CFAP52: variants seen among roughly 807,000 people sequenced by gnomAD.
CFAP52 encodes the protein cilia- and flagella-associated protein 52.
In CFAP52, 57 loss-of-function variants were observed where a neutral mutation model predicts 70.5. The ratio of observed to expected loss-of-function variants is 0.81; its 90% CI spans 0.65 to 1.01. The LOEUF (loss-of-function observed/expected upper bound fraction) is 1.01, where lower values mean the gene tolerates loss of function less well. Ranked by LOEUF, CFAP52 falls within the 50% of genes least tolerant of loss-of-function variation. The pLI is 0.00. For missense variants in CFAP52, 785 were observed against 788.5 expected, an observed-to-expected ratio of 1.00 and a Z score of 0.05; for synonymous variants, 267 against 292.5, an observed-to-expected ratio of 0.91 and a Z score of 0.89.
At chr17:9,629,561 T>C (rs201716592) in intron 9 of CFAP52, among the ~76,000 whole-genome samples, 2 of 150,978 alleles carry the variant, frequency 1.3e-5, no homozygotes, top group Non-Finnish European at 3.0e-5. Context: ...TTTTTTTTTT[T>C]TCTCAGATGG....
chr17:9,584,355 G>C lies in CFAP52; in HGVS notation c.71-1418G>C, dbSNP rs1432672403. 1.2e-5 allele frequency: 16 copies of C among 1,287,848 alleles called. No individual in the cohort carries two copies. The East Asian group carries it at 7.8e-4, about 63-fold the overall frequency. The allele number at this position is 1,287,848 out of a possible 1,614,324, so 79.8% of individuals were successfully genotyped here. A position where few individuals can be genotyped will look rare whatever the true frequency, so the allele number is the denominator to read the frequency against. On this transcript the variant is annotated intron_variant, in intron 1 of 13. Transcript: ENST00000352665. The stretch of plus-strand genomic sequence containing the variant: ...GAGGTGTCACCATGAAAGGTCCCAG[G>C]CTCTTCAGAGCACCTGGTGGGCACT...
In CFAP52 at chr17:9,608,153, G is replaced by T; in HGVS notation, c.788G>T (p.Gly263Val). The T allele has an allele frequency of 1.2e-6, 2 of 1,612,708 alleles. No individual in the cohort carries two copies. The highest frequency in any genetic ancestry group is 1.7e-6 in the Non-Finnish European group (2 of 1,179,138). Residue 263 changes from glycine to valine, a missense_variant, in exon 7 of 14, where the codon GGT (glycine) becomes GTT (valine). Gly to Val is a moderately radical substitution (Grantham distance 109). Transcript: ENST00000352665. ...VSAIRCLKMG[G>V]LLVGSGAGLL... ...GCTATCAGGTGCCTGAAGATGGGGGGTTTGTTGGTGGGCTCTGGAGCCGGA... is the reference window on the plus strand; with the variant it reads ...GCTATCAGGTGCCTGAAGATGGGGGTTTTGTTGGTGGGCTCTGGAGCCGGA...
At chr17:9,643,916 G>A (rs982263791), downstream of CFAP52, among the ~76,000 whole-genome samples, 2 of 152,176 alleles carry the variant, frequency 1.3e-5, no homozygotes, top group African/African-American at 4.8e-5. Flanking sequence ...TGGACCTTGT[G>A]TCCTTGTGTA....
intron 8 of CFAP52, among the ~76,000 whole-genome samples, chr17:9,626,374 C>T (rs550109203): frequency 2.6e-5 from 4 of 152,260 alleles, no homozygotes; most frequent in Admixed American, 6.5e-5. Flanking sequence ...GGACTACAGG[C>T]GCACACCACC....
intron 5 of CFAP52, among the ~76,000 whole-genome samples, chr17:9,598,953 A>T (rs1356101298): frequency 2.0e-5 from 3 of 152,128 alleles, no homozygotes; most frequent in African/African-American, 7.2e-5. Flanking sequence ...GCACATTCCT[A>T]TGCCACTGAT....
chr17:9,584,423 T>C, intron 1 of CFAP52: 1 of 1,229,030 alleles, frequency 8.1e-7, no homozygotes, highest in African/African-American at 1.6e-5. Context: ...TTCCTGGTTA[T>C]ATTGAGGCAT....
At chr17:9,598,211 T>C in intron 4 of CFAP52, 23 bp from the exon 5 acceptor site, 1 of 1,562,418 alleles carries the variant, frequency 6.4e-7, no homozygotes, top group East Asian at 2.3e-5. Flanking sequence ...GATTGTGGTT[T>C]TTTGTTTTTT....
chr17:9,634,558 C>T (rs1318928201), intron 10 of CFAP52, among the ~76,000 whole-genome samples: 1 of 152,048 alleles, frequency 6.6e-6, no homozygotes, highest in African/African-American at 2.4e-5. Flanking sequence ...GCATTGCACT[C>T]CAGCCTGGGT....
intron 1 of CFAP52, among the ~76,000 whole-genome samples, chr17:9,578,054 T>C (rs1908044010): frequency 6.6e-6 from 1 of 152,184 alleles, no homozygotes; most frequent in African/African-American, 2.4e-5. Flanking sequence ...GTCACGCCAC[T>C]GCACTCCAGC....
chr17:9,615,194 A>G (rs755376369), intron 8 of CFAP52, among the ~76,000 whole-genome samples: 3 of 152,222 alleles, frequency 2.0e-5, no homozygotes, highest in Non-Finnish European at 2.9e-5. Context: ...TTTGTTTTCA[A>G]TTGCTATTAC....
At chr17:9,624,174 C>A (rs1214215382) in intron 8 of CFAP52, among the ~76,000 whole-genome samples, 2 of 151,954 alleles carry the variant, frequency 1.3e-5, no homozygotes, top group African/African-American at 4.8e-5. Flanking sequence ...TTTATCCTTT[C>A]TTAGCATTTG....
intron 3 of CFAP52, 150 bp downstream of exon 3, chr17:9,586,984 T>G (rs1212822248): frequency 2.1e-6 from 2 of 946,070 alleles, no homozygotes; most frequent in African/African-American, 1.8e-5. Context: ...CTCAGCCTAG[T>G]ACCCAGTAGT....
At chr17:9,602,726 C>A (rs1909328258) in intron 6 of CFAP52, among the ~76,000 whole-genome samples, 1 of 152,194 alleles carries the variant, frequency 6.6e-6, no homozygotes, top group African/African-American at 2.4e-5. Context: ...ATTTACACTC[C>A]CACCAACAGT....
intron 7 of CFAP52, 27 bp downstream of exon 7, chr17:9,608,246 G>T (rs1370347512): frequency 1.3e-6 from 2 of 1,553,104 alleles, no homozygotes; most frequent in East Asian, 4.5e-5. Context: ...ACACAGTGGG[G>T]CTGGGTAGAG....
At chr17:9,581,592 C>T (rs903280887) in intron 1 of CFAP52, among the ~76,000 whole-genome samples, 6 of 150,620 alleles carry the variant, frequency 4.0e-5, no homozygotes, top group African/African-American at 1.5e-4. Context: ...GGAAAGAAGG[C>T]GAGAGAGAGA....
In CFAP52 at chr17:9,623,563, T is replaced by C. The variant is rs995384927; in HGVS notation, c.1026-5109T>C. ...AGAAGAAAAAATTTAAAATGTCTTG[T>C]GTGCTTACTTATATATTTGACTATT... On this transcript the variant is annotated intron_variant, in intron 8 of 13. Transcript: ENST00000352665. Among the ~76,000 whole-genome samples the C allele has an allele frequency of 3.9e-5, 6 of 152,350 alleles. No homozygotes were observed. In the South Asian group the frequency reaches 1.0e-3, roughly 26 times the overall value.
chr17:9,640,977 T>C (rs1266448232), intron 12 of CFAP52, among the ~76,000 whole-genome samples: 4 of 152,192 alleles, frequency 2.6e-5, no homozygotes, highest in African/African-American at 9.7e-5. Flanking sequence ...CAGTCTATCA[T>C]TGATGGGCAT....
intron 8 of CFAP52, among the ~76,000 whole-genome samples, chr17:9,616,199 G>A (rs1414871814): frequency 1.3e-5 from 2 of 151,322 alleles, no homozygotes; most frequent in East Asian, 3.9e-4. Flanking sequence ...AGCGCAAGGG[G>A]TCAGGGAGTT....
intron 8 of CFAP52, among the ~76,000 whole-genome samples, chr17:9,625,161 A>T (rs1910189048): frequency 6.6e-6 from 1 of 152,050 alleles, no homozygotes; most frequent in African/African-American, 2.4e-5. Context: ...GATTGACCCC[A>T]TGTAGCTGTC....
Sources: gnomAD v4.1 joint callset for allele counts (sites outside exome capture counted in the v4.1 genomes callset) on GRCh38, gnomAD v4.1.1 for gene constraint, MANE v1.5 for transcripts, NCBI Gene and HGNC (gene_info 2026-07-23, HGNC 2026-07-21) for gene names.